ESYT2: variants seen among roughly 807,000 people sequenced by gnomAD.
ESYT2 encodes extended synaptotagmin 2.
ESYT2 carries 54 observed loss-of-function variants against 107.2 expected under a neutral mutation model. That is an observed-to-expected ratio of 0.50 (90% CI 0.40 to 0.63). The LOEUF (loss-of-function observed/expected upper bound fraction) is 0.63, where lower values mean the gene tolerates loss of function less well. ESYT2 is among the 30% of genes least tolerant of loss of function. The pLI is 0.00. For synonymous variants in ESYT2, 491 were observed against 434.1 expected, an observed-to-expected ratio of 1.13 and a Z score of -1.63; for missense variants, 1,020 against 1,094.5, an observed-to-expected ratio of 0.93 and a Z score of 0.96.
rs909228384 is a variant in ESYT2, at chr7:158,823,221, C to T, written c.330+5868G>A. On this transcript the variant is annotated intron_variant, in intron 1 of 22. Transcript: ENST00000275418. ...GAGGCAGGAGAATTGCTTGAACCAGCGAGGCGGAGGTTGCAGTGACCCGAG... is the reference window on the plus strand; with the variant it reads ...GAGGCAGGAGAATTGCTTGAACCAGTGAGGCGGAGGTTGCAGTGACCCGAG... Among the ~76,000 whole-genome samples, 35 of 126,272 alleles carry T rather than the reference C, an allele frequency of 2.8e-4. No individual in the cohort carries two copies. In the Admixed American group the frequency reaches 3.1e-3, roughly 11 times the overall value. The allele number at this position is 126,272 out of a possible 152,430, so 82.8% of individuals were successfully genotyped here.
At chr7:158,811,512 G>A (rs1193557502) in intron 1 of ESYT2, among the ~76,000 whole-genome samples, 1 of 152,232 alleles carries the variant, frequency 6.6e-6, no homozygotes, top group African/African-American at 2.4e-5. Flanking sequence ...AATATTTGGT[G>A]AGACCATAAA....
chr7:158,796,930 CTGGAGG>C (rs1239338914), intron 3 of ESYT2, among the ~76,000 whole-genome samples: 2 of 126,566 alleles, frequency 1.6e-5, no homozygotes, highest in Non-Finnish European at 3.3e-5. Flanking sequence ...GGCACCACGG[CTGGAGG>C]CAGAGCCTGA....
intron 13 of ESYT2, 70 bp downstream of exon 13, chr7:158,759,416 A>T: frequency 8.2e-7 from 1 of 1,223,360 alleles, no homozygotes; most frequent in Non-Finnish European, 1.2e-6. Context: ...TGCTGCACAA[A>T]GCAGTGGTTA....
chr7:158,822,881 C>T (rs529176491), intron 1 of ESYT2, among the ~76,000 whole-genome samples: 10 of 152,206 alleles, frequency 6.6e-5, no homozygotes, highest in South Asian at 6.2e-4. Context: ...AATGTAAATA[C>T]CCCCAAACTT....
intron 4 of ESYT2, among the ~76,000 whole-genome samples, chr7:158,790,995 T>G (rs1341565739): frequency 1.3e-5 from 2 of 152,140 alleles, no homozygotes; most frequent in Non-Finnish European, 2.9e-5. Flanking sequence ...AGTGTACAAC[T>G]CAGTGGTACT....
chr7:158,734,343 T>TG, intron 22 of ESYT2, 79 bp downstream of exon 22: 1 of 1,611,688 alleles, frequency 6.2e-7, no homozygotes, highest in South Asian at 1.1e-5. Context: ...CCACTGTCTG[T>TG]GGGGGACACT....
chr7:158,741,726 G>GC lies in ESYT2; in HGVS notation c.1964dup (p.Ser656GlnfsTer2). On this transcript the variant is annotated frameshift_variant, in exon 18 of 23. Coordinates refer to ENST00000275418, the MANE Select transcript of ESYT2 (RefSeq NM_001367773.1). ...TTTCTTCCATACCAGGCTTATCACT[G>GC]CCCCCAATGACTGGTGTGGATGGAG... 1 of 1,614,054 alleles carries GC rather than the reference G, an allele frequency of 6.2e-7. No homozygotes were observed. Among genetic ancestry groups the GC allele is most frequent in the Non-Finnish European group, 8.5e-7 (1 of 1,180,016 alleles).
intron 16 of ESYT2, among the ~76,000 whole-genome samples, chr7:158,746,266 C>A (rs111653337): frequency 0.025 from 3,687 of 147,536 alleles, 144 homozygotes; most frequent in African/African-American, 0.088. Context: ...GCCCCTCCAA[C>A]ACACAAAAAT....
intron 5 of ESYT2, 122 bp from the exon 6 acceptor site, chr7:158,788,215 T>G: frequency 8.6e-7 from 1 of 1,162,134 alleles, no homozygotes; most frequent in Non-Finnish European, 1.2e-6. Flanking sequence ...TTATCTCAAC[T>G]ATGACCTACA....
intron 1 of ESYT2, among the ~76,000 whole-genome samples, chr7:158,809,215 T>C (rs959727616): frequency 3.0e-4 from 46 of 151,836 alleles, no homozygotes; most frequent in Non-Finnish European, 6.2e-4. Flanking sequence ...TGGTGGCTCA[T>C]ACCTGTAATC....
chr7:158,806,400 T>A (rs1839834400), intron 1 of ESYT2, among the ~76,000 whole-genome samples: 2 of 152,246 alleles, frequency 1.3e-5, no homozygotes, highest in Admixed American at 1.3e-4. Flanking sequence ...TTTCATGTTA[T>A]ATCTGACATA....
At chr7:158,745,617 A>G (rs1837376077) in intron 16 of ESYT2, among the ~76,000 whole-genome samples, 1 of 152,196 alleles carries the variant, frequency 6.6e-6, no homozygotes, top group Non-Finnish European at 1.5e-5. Context: ...GGTCTCAAAC[A>G]TAAAAGGGCT....
intron 6 of ESYT2, among the ~76,000 whole-genome samples, chr7:158,784,816 T>G (rs1474350287): frequency 6.6e-6 from 1 of 152,164 alleles, no homozygotes; most frequent in Non-Finnish European, 1.5e-5. Flanking sequence ...GAGGAAGAAA[T>G]GGAATCTGCG....
In ESYT2 at chr7:158,749,674, A is replaced by G. The variant is rs1322279977; in HGVS notation, c.1532T>C (p.Val511Ala). ...SNPNPVVQMS[V>A]GHKAQESKIR... ...CTTGCTCTCCTGGGCCTTGTGCCCA[A>G]CTGACATCTGGACAACAGGATTTGG... The change falls in exon 15 of 23, where the codon GTT becomes GCT. Residue 511 changes from valine (V) to alanine (A), a missense_variant. Coordinates refer to ENST00000275418, the MANE Select transcript of ESYT2 (RefSeq NM_001367773.1). 4 of 1,614,000 alleles carry G rather than the reference A, an allele frequency of 2.5e-6. No homozygotes were observed. Among genetic ancestry groups the G allele is most frequent in the South Asian group, 1.1e-5 (1 of 91,070 alleles).
intron 1 of ESYT2, among the ~76,000 whole-genome samples, chr7:158,816,800 G>A (rs957141652): frequency 6.6e-6 from 1 of 152,128 alleles, no homozygotes; most frequent in Non-Finnish European, 1.5e-5. Context: ...CTAGTTACTG[G>A]ATAAATTCCA....
At chr7:158,753,408 T>A (rs977520275) in intron 13 of ESYT2, among the ~76,000 whole-genome samples, 79 of 152,302 alleles carry the variant, frequency 5.2e-4, no homozygotes, top group African/African-American at 1.9e-3. Flanking sequence ...GGGCTCTAAA[T>A]ATAGTCCTAT....
At chr7:158,787,900 C>G (rs928870863) in intron 6 of ESYT2, 104 bp downstream of exon 6, 23 of 857,966 alleles carry the variant, frequency 2.7e-5, no homozygotes, top group Non-Finnish European at 3.7e-5. Flanking sequence ...AAAGGGACAA[C>G]GGTGAGTTGA....
At chr7:158,734,274 AGGTGGT>A in intron 22 of ESYT2, 22 bp from the exon 23 acceptor site, 1 of 1,614,116 alleles carries the variant, frequency 6.2e-7, no homozygotes, top group Non-Finnish European at 8.5e-7. Flanking sequence ...AGTGACAGGA[AGGTGGT>A]GACGGATACA....
intron 18 of ESYT2, among the ~76,000 whole-genome samples, chr7:158,740,545 G>A (rs962812919): frequency 3.3e-5 from 5 of 151,814 alleles, no homozygotes; most frequent in Admixed American, 2.0e-4. Flanking sequence ...AGACTGCAGC[G>A]CCCTTCCTTC....
Sources: gnomAD v4.1 joint callset for allele counts (sites outside exome capture counted in the v4.1 genomes callset) on GRCh38, gnomAD v4.1.1 for gene constraint, MANE v1.5 for transcripts, NCBI Gene and HGNC (gene_info 2026-07-23, HGNC 2026-07-21) for gene names.